Variants in SH3RF3 observed in about 807,000 individuals in gnomAD.
The protein encoded by SH3RF3 is E3 ubiquitin-protein ligase SH3RF3.
SH3RF3 carries 29 observed loss-of-function variants against 66.3 expected under a neutral mutation model. The ratio of observed to expected loss-of-function variants is 0.44; its 90% CI spans 0.33 to 0.60. The LOEUF is 0.60. SH3RF3 is among the 20% of genes least tolerant of loss of function. The pLI is 0.04. For synonymous variants in SH3RF3, 583 were observed against 532.0 expected, an observed-to-expected ratio of 1.10 and a Z score of -1.32; for missense variants, 1,194 against 1,190.9, an observed-to-expected ratio of 1.00 and a Z score of -0.04.
chr2:109,417,323 T>C (rs1367601695), intron 4 of SH3RF3, among the ~76,000 whole-genome samples: 1 of 152,070 alleles, frequency 6.6e-6, no homozygotes, highest in Non-Finnish European at 1.5e-5. Flanking sequence ...CCAGACCGGC[T>C]CTGGGGAGTT....
intron 3 of SH3RF3, among the ~76,000 whole-genome samples, chr2:109,389,186 C>T (rs1426415252): frequency 6.6e-6 from 1 of 152,240 alleles, no homozygotes; most frequent in Non-Finnish European, 1.5e-5. Flanking sequence ...AGTCCCAGCC[C>T]CAGGTGCCTG....
intron 8 of SH3RF3, among the ~76,000 whole-genome samples, chr2:109,464,924 T>C (rs1019519440): frequency 2.0e-5 from 3 of 152,238 alleles, no homozygotes; most frequent in Non-Finnish European, 4.4e-5. Flanking sequence ...TATAGTATCA[T>C]ACAGGATAGT....
chr2:109,358,835 G>A (rs771555517), intron 2 of SH3RF3, among the ~76,000 whole-genome samples: 2 of 152,032 alleles, frequency 1.3e-5, no homozygotes, highest in Non-Finnish European at 2.9e-5. Flanking sequence ...TGCTTTTGGT[G>A]CTATATCCAA....
rs1681014433 is a variant in SH3RF3, at chr2:109,285,654, C to CT, written c.574-62019dup. On this transcript the variant is annotated intron_variant, in intron 1 of 9. Transcript: ENST00000309415. ...AACCTGTCATCTGTGTCAGTCCTCT[C>CT]TGAGTGTCCTATGGGGAAAAGTTCA... Among the ~76,000 whole-genome samples the CT allele has an allele frequency of 5.9e-5, 9 of 152,340 alleles. No individual in the cohort carries two copies. The Middle Eastern group carries it at 0.027, about 461-fold the overall frequency.
chr2:109,137,926 T>A (rs1676851307), intron 1 of SH3RF3, among the ~76,000 whole-genome samples: 1 of 152,260 alleles, frequency 6.6e-6, no homozygotes, highest in South Asian at 2.1e-4. Context: ...GCCAGCTAAA[T>A]CTCAGGCCAG....
At position 109,129,320 on chromosome 2, in the gene SH3RF3, C is replaced by T; in HGVS notation, c.-221C>T. ...GGCGCTGCGCTCAGGACTGGGCGGG[C>T]TCGGCTGGCCGGTCCCCGCCACGCA... is the stretch of plus-strand genomic sequence containing the variant. On this transcript the variant is annotated 5_prime_UTR_variant, in exon 1 of 10. Coordinates refer to ENST00000309415, the MANE Select transcript of SH3RF3 (RefSeq NM_001099289.3). The T allele has an allele frequency of 2.7e-6, 2 of 743,702 alleles. No individual in the cohort carries two copies. Among genetic ancestry groups the T allele is most frequent in the Non-Finnish European group, 2.2e-6 (1 of 456,212 alleles). 46.1% of individuals were successfully genotyped at this position (743,702 alleles called of 1,614,324 possible).
intron 8 of SH3RF3, among the ~76,000 whole-genome samples, chr2:109,477,566 G>A (rs1319403614): frequency 6.6e-6 from 1 of 152,184 alleles, no homozygotes; most frequent in Non-Finnish European, 1.5e-5. Context: ...TGGGGTCACA[G>A]CGCCTGTTGT....
chr2:109,172,270 C>T (rs1016020220), intron 1 of SH3RF3, among the ~76,000 whole-genome samples: 3 of 152,192 alleles, frequency 2.0e-5, no homozygotes, highest in African/African-American at 7.2e-5. Context: ...CTGTGGGCAA[C>T]AGCTGCGTGT....
chr2:109,235,821 G>C (rs1040503129), intron 1 of SH3RF3, among the ~76,000 whole-genome samples: 1 of 152,216 alleles, frequency 6.6e-6, no homozygotes, highest in Non-Finnish European at 1.5e-5. Flanking sequence ...CGGCACCAGG[G>C]TGGGCCTCCT....
chr2:109,403,221 G>A (rs927578205), intron 4 of SH3RF3, among the ~76,000 whole-genome samples: 2 of 152,342 alleles, frequency 1.3e-5, no homozygotes, highest in East Asian at 3.9e-4. Flanking sequence ...TGAGAGCCGC[G>A]CACTGTCCGA....
chr2:109,179,003 A>AGTGTGTGTG (rs1553480769), intron 1 of SH3RF3, among the ~76,000 whole-genome samples: 3 of 142,066 alleles, frequency 2.1e-5, no homozygotes, highest in African/African-American at 5.1e-5. Context: ...AAGTATAATA[A>AGTGTGTGTG]TGTGTGTGTG....
intron 3 of SH3RF3, among the ~76,000 whole-genome samples, chr2:109,395,806 G>A (rs1676128170): frequency 6.6e-6 from 1 of 152,212 alleles, no homozygotes; most frequent in Admixed American, 6.5e-5. Context: ...GGAAATCCAT[G>A]CTGACATTCA....
At chr2:109,152,609 A>G (rs1267417830) in intron 1 of SH3RF3, among the ~76,000 whole-genome samples, 2 of 152,246 alleles carry the variant, frequency 1.3e-5, no homozygotes, top group African/African-American at 4.8e-5. Context: ...ATTTATATTT[A>G]AAGCTGTGGG....
chr2:109,424,550 A>T (rs914793730), intron 5 of SH3RF3, among the ~76,000 whole-genome samples: 1 of 152,198 alleles, frequency 6.6e-6, no homozygotes, highest in Non-Finnish European at 1.5e-5. Flanking sequence ...TTCCAACAGC[A>T]TGTGCTCACT....
chr2:109,230,850 C>G (rs966225071), intron 1 of SH3RF3, among the ~76,000 whole-genome samples: 3 of 152,194 alleles, frequency 2.0e-5, no homozygotes, highest in Non-Finnish European at 4.4e-5. Flanking sequence ...TCTAAATCCC[C>G]TAGGAGTTCA....
chr2:109,365,121 A>T (rs187221832), intron 2 of SH3RF3, among the ~76,000 whole-genome samples: 1 of 152,216 alleles, frequency 6.6e-6, no homozygotes, highest in Non-Finnish European at 1.5e-5. Context: ...TTTATCCTGT[A>T]TGTGGATCTT....
At chr2:109,142,632 C>T (rs1676984387) in intron 1 of SH3RF3, among the ~76,000 whole-genome samples, 1 of 152,166 alleles carries the variant, frequency 6.6e-6, no homozygotes, top group Non-Finnish European at 1.5e-5. Context: ...GGCAGAACGC[C>T]TCTGCTTGGC....
At chr2:109,203,714 A>G (rs1010536114) in intron 1 of SH3RF3, among the ~76,000 whole-genome samples, 5 of 152,036 alleles carry the variant, frequency 3.3e-5, no homozygotes, top group African/African-American at 7.2e-5. Context: ...CTGGAGCCCC[A>G]TCTTCTCTCC....
At chr2:109,174,054 T>C (rs1049834053) in intron 1 of SH3RF3, among the ~76,000 whole-genome samples, 5 of 152,228 alleles carry the variant, frequency 3.3e-5, no homozygotes, top group African/African-American at 1.2e-4. Context: ...GTTTGGTGGC[T>C]GCTCCCACAG....
Sources: allele counts gnomAD v4.1 joint callset (sites outside exome capture counted in the v4.1 genomes callset), GRCh38; gene constraint gnomAD v4.1.1; transcripts MANE v1.5; gene names NCBI Gene and HGNC (gene_info 2026-07-23, HGNC 2026-07-21).